The following ELOVL7 variants were observed in gnomAD, a reference collection of about 807,000 sequenced individuals.
ELOVL7 encodes the protein very long chain fatty acid elongase 7.
In ELOVL7, 27 loss-of-function variants were observed where a neutral mutation model predicts 35.7. The observed-to-expected ratio is 0.76, with a 90% confidence interval of 0.56 to 1.04. The LOEUF is 1.04. ELOVL7 is among the 50% of genes least tolerant of loss of function. The probability of loss-of-function intolerance (pLI) is 0.00; values close to 1 mark genes in which losing one functional copy is unlikely to be tolerated. For missense variants in ELOVL7, 327 were observed against 340.8 expected, an observed-to-expected ratio of 0.96 and a Z score of 0.32; for synonymous variants, 113 against 114.6, an observed-to-expected ratio of 0.99 and a Z score of 0.09.
intron 3 of ELOVL7, chr5:60,784,285 C>T (rs1044934203): frequency 4.6e-5 from 23 of 501,356 alleles, no homozygotes; most frequent in Non-Finnish European, 7.7e-5. Context: ...AGCAATCTTA[C>T]TCATACTCCA....
intron 8 of ELOVL7, among the ~76,000 whole-genome samples, chr5:60,755,130 G>C (rs1029934294): frequency 3.9e-5 from 6 of 152,168 alleles, no homozygotes; most frequent in African/African-American, 1.4e-4. Flanking sequence ...CAACAGAGCA[G>C]GTTTTCTCTA....
chr5:60,812,908 T>C (rs1243424857), intron 1 of ELOVL7, among the ~76,000 whole-genome samples: 2 of 152,218 alleles, frequency 1.3e-5, no homozygotes, highest in Non-Finnish European at 2.9e-5. Context: ...ACCCCTGCAC[T>C]GAAGGATTTC....
chr5:60,785,988 AG>A (rs1281175074), intron 3 of ELOVL7: 1 of 152,226 alleles, frequency 6.6e-6, no homozygotes, highest in Non-Finnish European at 1.5e-5. Context: ...AGGTGCCAAG[AG>A]GTGTGCATTT....
rs771365279 is a variant in ELOVL7 at position 60,767,880 on chromosome 5, T to C, written c.279A>G (p.Ile93Met). 8 of 1,613,834 alleles carry C rather than the reference T, an allele frequency of 5.0e-6. No individual in the cohort carries two copies. The highest frequency in any genetic ancestry group is 1.1e-5 in the South Asian group (1 of 91,082). ...CYEFVMSGWG[I>M]GYSFRCDIVD... Reference sequence around the variant, plus strand: ...CAATGTCACATCGAAATGAATAACCTATACCCCAGCCAGACATCACAAACT... The same window carrying C: ...CAATGTCACATCGAAATGAATAACCCATACCCCAGCCAGACATCACAAACT... Residue 93 changes from isoleucine to methionine, a missense_variant, in exon 5 of 9, where the codon ATA (isoleucine) becomes ATG (methionine). By Grantham distance (10) the Ile-to-Met change is conservative (BLOSUM62 1). Transcript: ENST00000508821.
chr5:60,827,391 CA>C (rs1281941182), intron 1 of ELOVL7, among the ~76,000 whole-genome samples: 4 of 152,064 alleles, frequency 2.6e-5, no homozygotes, highest in East Asian at 1.9e-4. Context: ...CATCAACAAA[CA>C]AAAATTGTAG....
intron 2 of ELOVL7, among the ~76,000 whole-genome samples, chr5:60,792,605 G>C (rs958825965): frequency 7.2e-5 from 11 of 152,170 alleles, no homozygotes; most frequent in Admixed American, 6.5e-4. Flanking sequence ...GGTGGCATGT[G>C]CCTGTAGTTC....
At chr5:60,803,761 T>C (rs1490776197) in intron 1 of ELOVL7, among the ~76,000 whole-genome samples, 1 of 152,172 alleles carries the variant, frequency 6.6e-6, no homozygotes, top group African/African-American at 2.4e-5. Flanking sequence ...AATGACATAA[T>C]AGAACATATT....
intron 1 of ELOVL7, among the ~76,000 whole-genome samples, chr5:60,813,221 G>A (rs939829390): frequency 6.6e-6 from 1 of 152,074 alleles, no homozygotes; most frequent in Non-Finnish European, 1.5e-5. Context: ...ATCTTTGACT[G>A]TGCTCTTTTA....
intron 3 of ELOVL7, among the ~76,000 whole-genome samples, chr5:60,783,448 T>C (rs1024605608): frequency 6.6e-6 from 1 of 152,208 alleles, no homozygotes; most frequent in African/African-American, 2.4e-5. Context: ...GCAACAGTTA[T>C]ACCTTTCTGA....
chr5:60,755,476 G>A (rs188645157), intron 8 of ELOVL7, among the ~76,000 whole-genome samples: 33 of 152,240 alleles, frequency 2.2e-4, no homozygotes, highest in African/African-American at 7.0e-4. Flanking sequence ...GGTCAAGATA[G>A]CGAAACCCCA....
Position 60,755,514 on chromosome 5 carries a change from G to A in ELOVL7, c.637-681C>T, listed in dbSNP as rs151317671. 6.8e-4 allele frequency among the ~76,000 whole-genome samples: 103 copies of A among 152,242 alleles called. 2 individuals carry two copies. The East Asian group carries it at 0.018, about 27-fold the overall frequency. On this transcript the variant is annotated intron_variant, in intron 8 of 8. Transcript: ENST00000508821. ...TCTACTAAAAATACAAAAATTAGCC[G>A]GGCGCAGTGGTACGCGCCTGTAGTC...
chr5:60,785,008 G>A (rs1274152852), intron 3 of ELOVL7, among the ~76,000 whole-genome samples: 1 of 152,260 alleles, frequency 6.6e-6, no homozygotes, highest in East Asian at 1.9e-4. Flanking sequence ...GTAGCTGGTA[G>A]ATGCTATTCT....
intron 1 of ELOVL7, among the ~76,000 whole-genome samples, chr5:60,817,779 C>CAT (rs1249521320): frequency 7.1e-6 from 1 of 139,966 alleles, no homozygotes; most frequent in Admixed American, 7.3e-5. Flanking sequence ...ACACACACAC[C>CAT]ATATATATAC....
In ELOVL7 at chr5:60,762,560, T is replaced by A. The variant is rs571840073; in HGVS notation, c.499+1667A>T. ...AAAAAAACCACTTTTTGTTTCAATA[T>A]CTCCAAACCACCTCTGTTTATATTT... is the stretch of plus-strand genomic sequence containing the variant. On this transcript the variant is annotated intron_variant, in intron 7 of 8. Coordinates refer to ENST00000508821, the MANE Select transcript of ELOVL7 (RefSeq NM_024930.3). 1.3e-4 allele frequency among the ~76,000 whole-genome samples: 20 copies of A among 152,250 alleles called. No individual in the cohort carries two copies. The South Asian group carries it at 4.1e-3, about 32-fold the overall frequency.
intron 3 of ELOVL7, among the ~76,000 whole-genome samples, chr5:60,781,202 C>T (rs1218749456): frequency 6.8e-6 from 1 of 147,742 alleles, no homozygotes; most frequent in Non-Finnish European, 1.5e-5. Context: ...CAGAGTAAGA[C>T]CCTGTCTCAG....
chr5:60,818,319 G>GAAAA (rs60141189), intron 1 of ELOVL7, among the ~76,000 whole-genome samples: 1 of 70,586 alleles, frequency 1.4e-5, no homozygotes, highest in Non-Finnish European at 2.6e-5. Context: ...TTCCATCTCA[G>GAAAA]AAAAAAAAAA....
In ELOVL7 at chr5:60,764,208, C is replaced by G. The variant is rs536481889; in HGVS notation, c.499+19G>C. 1 of 1,547,672 alleles carries G rather than the reference C, an allele frequency of 6.5e-7. No homozygotes were observed. The highest frequency in any genetic ancestry group is 2.3e-5 in the East Asian group (1 of 44,388). ...GAAATGTTGTTTATAACACATGATC[C>G]CAAATTTCCCTTGTCTACCTGCAGC... On this transcript the variant is annotated intron_variant, in intron 7 of 8. Transcript: ENST00000508821.
intron 1 of ELOVL7, among the ~76,000 whole-genome samples, chr5:60,806,788 T>C (rs1579885861): frequency 6.6e-6 from 1 of 152,066 alleles, no homozygotes; most frequent in Admixed American, 6.5e-5. Flanking sequence ...GGAACACCCA[T>C]GCTGGGGAAA....
intron 1 of ELOVL7, among the ~76,000 whole-genome samples, chr5:60,829,133 T>C (rs1746338391): frequency 6.6e-6 from 1 of 151,780 alleles, no homozygotes; most frequent in Non-Finnish European, 1.5e-5. Flanking sequence ...AAAATGTTCA[T>C]GTTGGAAAGG....
Sources: allele counts gnomAD v4.1 joint callset (sites outside exome capture counted in the v4.1 genomes callset), GRCh38; gene constraint gnomAD v4.1.1; transcripts MANE v1.5; gene names NCBI Gene and HGNC (gene_info 2026-07-23, HGNC 2026-07-21).